Variants in IL7 observed in about 807,000 individuals in gnomAD.
IL7 encodes interleukin 7, also known as interleukin-7.
In IL7, 3 loss-of-function variants were observed where a neutral mutation model predicts 21.6. That is an observed-to-expected ratio of 0.14 (90% CI 0.06 to 0.36). The LOEUF is 0.36. Among genes scored for constraint, IL7 ranks in the 10% least tolerant of loss-of-function variants. IL7 has a pLI of 1.00. For synonymous variants in IL7, 62 were observed against 68.1 expected (o/e 0.91, Z 0.44); for missense variants, 175 against 200.2 (o/e 0.87, Z 0.76).
intron 4 of IL7, among the ~76,000 whole-genome samples, chr8:78,681,075 CTT>C (rs112732264): frequency 2.1e-5 from 3 of 144,672 alleles, no homozygotes; most frequent in Non-Finnish European, 1.5e-5. Context: ...AGGCTGTGAC[CTT>C]TTTTTTTTTT....
At chr8:78,741,361 A>G (rs1354919158) in intron 2 of IL7, among the ~76,000 whole-genome samples, 1 of 152,208 alleles carries the variant, frequency 6.6e-6, no homozygotes, top group Non-Finnish European at 1.5e-5. Flanking sequence ...AGTCATTTTC[A>G]TGTTGACTTC....
rs1811479556 is a variant in IL7 at position 78,733,533 on chromosome 8, C to T, written c.*180G>A. 4 of 524,418 alleles carry T rather than the reference C, an allele frequency of 7.6e-6. No individual in the cohort carries two copies. The highest frequency in any genetic ancestry group is 7.5e-5 in the South Asian group (3 of 39,776). The allele number at this position is 524,418 out of a possible 1,614,324, so 32.5% of individuals were successfully genotyped here. The stretch of plus-strand genomic sequence containing the variant: ...TTTGTTGACTGGAGCATTCAGTTTC[C>T]ATTGTTTGTATTCATCTTCTAGTAA... On this transcript the variant is annotated 3_prime_UTR_variant, in exon 6 of 6. Coordinates refer to ENST00000263851, the MANE Select transcript of IL7 (RefSeq NM_000880.4).
chr8:78,744,447 A>G (rs1811907113), intron 2 of IL7, among the ~76,000 whole-genome samples: 2 of 152,042 alleles, frequency 1.3e-5, no homozygotes, highest in East Asian at 1.9e-4. Context: ...CAGGCTGAAA[A>G]AGGTGACTTG....
intron 5 of IL7, among the ~76,000 whole-genome samples, chr8:78,735,312 G>GTTTTTTTTTTTTTTTT (rs144374908): frequency 1.4e-5 from 1 of 71,998 alleles, no homozygotes; most frequent in Non-Finnish European, 3.0e-5. Flanking sequence ...TTTTTGCTCT[G>GTTTTTTTTTTTTTTTT]TTTTTTGTTT....
chr8:78,749,297 T>C (rs755554153), intron 2 of IL7, among the ~76,000 whole-genome samples: 2 of 152,028 alleles, frequency 1.3e-5, no homozygotes. Flanking sequence ...ATCAATAAAA[T>C]ATTAGTATAA....
chr8:78,728,139 G>A (rs1811366821), downstream of IL7, among the ~76,000 whole-genome samples: 1 of 151,942 alleles, frequency 6.6e-6, no homozygotes, highest in Non-Finnish European at 1.5e-5. Flanking sequence ...ACTAAATAGA[G>A]AAATATACCA....
chr8:78,756,774 A>T (rs1812362520), intron 2 of IL7, among the ~76,000 whole-genome samples: 1 of 151,326 alleles, frequency 6.6e-6, no homozygotes, highest in Non-Finnish European at 1.5e-5. Flanking sequence ...TTTTTCTAGG[A>T]TTTTATTTTT....
Position 78,785,964 on chromosome 8 carries a change from G to A in IL7, c.147+12108C>T, listed in dbSNP as rs150107849. Among the ~76,000 whole-genome samples the A allele has an allele frequency of 6.6e-5, 10 of 152,236 alleles. No individual in the cohort carries two copies. In the East Asian group the frequency reaches 1.9e-3, roughly 29 times the overall value. On this transcript the variant is annotated intron_variant, in intron 2 of 5. Transcript: ENST00000263851. ...GGGAAAACCTGTGGTCAATTTTGTTGGTGGACAGGGACTGTCCTCTTTCTC... is the reference window on the plus strand; with the variant it reads ...GGGAAAACCTGTGGTCAATTTTGTTAGTGGACAGGGACTGTCCTCTTTCTC...
intron 2 of IL7, among the ~76,000 whole-genome samples, chr8:78,790,356 G>T (rs1813646692): frequency 3.3e-5 from 5 of 151,934 alleles, no homozygotes. Flanking sequence ...TCCAAAACTA[G>T]TTCATATTGA....
intron 2 of IL7, among the ~76,000 whole-genome samples, chr8:78,757,670 A>G (rs937246639): frequency 2.6e-5 from 4 of 151,896 alleles, no homozygotes; most frequent in African/African-American, 9.7e-5. Flanking sequence ...ATGTTCTTTG[A>G]CTTTAAGTCT....
chr8:78,724,428 AAG>A (rs1811305856), intron 3 of IL7, among the ~76,000 whole-genome samples: 1 of 151,940 alleles, frequency 6.6e-6, no homozygotes, highest in South Asian at 2.1e-4. Context: ...TTTTTTAAAA[AAG>A]TTTTATTTTT....
chr8:78,731,510 CA>C (rs1811424403), downstream of IL7, among the ~76,000 whole-genome samples: 3 of 151,580 alleles, frequency 2.0e-5, no homozygotes, highest in South Asian at 6.2e-4. Context: ...TAACTCACAT[CA>C]AAAATAAGTA....
chr8:78,735,276 C>CTTTTTTTTTTTTTTTTGTTTTTTTTT (rs1328298966), intron 5 of IL7, among the ~76,000 whole-genome samples: 13 of 78,516 alleles, frequency 1.7e-4, no homozygotes, highest in East Asian at 3.7e-4. Context: ...CTTTTCTTTT[C>CTTTTTTTTTTTTTTTTGTTTTTTTTT]TTTTTTTTTT....
chr8:78,702,641 G>A (rs1810642460), intron 3 of IL7, among the ~76,000 whole-genome samples: 1 of 152,118 alleles, frequency 6.6e-6, no homozygotes, highest in South Asian at 2.1e-4. Context: ...CTGTGTTCTA[G>A]AGAGTCTGGT....
At chr8:78,739,368 A>G (rs1328338251) in intron 3 of IL7, among the ~76,000 whole-genome samples, 1 of 152,212 alleles carries the variant, frequency 6.6e-6, no homozygotes, top group Non-Finnish European at 1.5e-5. Context: ...GTATGTGTGC[A>G]AGCATTCACA....
downstream of IL7, among the ~76,000 whole-genome samples, chr8:78,717,170 T>C (rs973108620): frequency 6.6e-6 from 1 of 152,178 alleles, no homozygotes; most frequent in African/African-American, 2.4e-5. Context: ...AGAATTTTAG[T>C]ATTTACTAAC....
At chr8:78,697,262 A>T in intron 3 of IL7, 1 of 617,776 alleles carries the variant, frequency 1.6e-6, no homozygotes. Flanking sequence ...ATGATGTGCA[A>T]CCATCATCAC....
At chr8:78,753,428 T>G (rs1045149879) in intron 2 of IL7, among the ~76,000 whole-genome samples, 1 of 152,320 alleles carries the variant, frequency 6.6e-6, no homozygotes, top group East Asian at 1.9e-4. Flanking sequence ...GTTTGTTTAT[T>G]TTTTTCTTAT....
intron 2 of IL7, among the ~76,000 whole-genome samples, chr8:78,743,598 G>A (rs1040113026): frequency 1.3e-5 from 2 of 151,900 alleles, no homozygotes; most frequent in Non-Finnish European, 2.9e-5. Context: ...CGAAATTCTT[G>A]TAGTGTGTTT....
Sources: allele counts gnomAD v4.1 joint callset (sites outside exome capture counted in the v4.1 genomes callset), GRCh38; gene constraint gnomAD v4.1.1; transcripts MANE v1.5; gene names NCBI Gene and HGNC (gene_info 2026-07-23, HGNC 2026-07-21).